The following KCNIP4 variants were observed in gnomAD, a reference collection of about 807,000 sequenced individuals.
KCNIP4 encodes the protein potassium voltage-gated channel interacting protein 4.
KCNIP4 carries 12 observed loss-of-function variants against 34.0 expected under a neutral mutation model. The observed-to-expected ratio is 0.35, with a 90% confidence interval of 0.23 to 0.57. KCNIP4 has a LOEUF of 0.57. KCNIP4 is among the 20% of genes least tolerant of loss of function. The pLI, the probability that KCNIP4 is intolerant of heterozygous loss-of-function variation, is 0.83. For synonymous variants in KCNIP4, 124 were observed against 102.2 expected, an observed-to-expected ratio of 1.21 and a Z score of -1.29; for missense variants, 238 against 311.7, an observed-to-expected ratio of 0.76 and a Z score of 1.78.
chr4:21,312,855 G>T (rs1056561228), intron 1 of KCNIP4, among the ~76,000 whole-genome samples: 2 of 152,136 alleles, frequency 1.3e-5, no homozygotes, highest in Admixed American at 1.3e-4. Context: ...TGGAGAATCC[G>T]TCTTTCAGCT....
chr4:21,473,816 C>T (rs578119994), intron 1 of KCNIP4, among the ~76,000 whole-genome samples: 9 of 151,574 alleles, frequency 5.9e-5, no homozygotes, highest in African/African-American at 1.9e-4. Flanking sequence ...TGGGTTCAAG[C>T]GATTCTCCTG....
chr4:21,714,779 C>T (rs1339632540), intron 1 of KCNIP4, among the ~76,000 whole-genome samples: 2 of 52,652 alleles, frequency 3.8e-5, no homozygotes, highest in African/African-American at 1.3e-4. Flanking sequence ...TTAGTAATTT[C>T]CCTTTGATTA....
intron 1 of KCNIP4, among the ~76,000 whole-genome samples, chr4:21,879,137 T>C (rs938136343): frequency 2.0e-5 from 3 of 152,022 alleles, no homozygotes; most frequent in Admixed American, 6.6e-5. Context: ...TATTGCAAAA[T>C]GAAAATATGA....
At chr4:21,898,892 G>T (rs1213445596) in intron 1 of KCNIP4, among the ~76,000 whole-genome samples, 1 of 152,140 alleles carries the variant, frequency 6.6e-6, no homozygotes. Context: ...TTCTGGACCT[G>T]CCCAGGGCCA....
At chr4:21,310,118 C>T (rs758852794) in intron 1 of KCNIP4, among the ~76,000 whole-genome samples, 4 of 152,064 alleles carry the variant, frequency 2.6e-5, no homozygotes, top group Admixed American at 6.6e-5. Flanking sequence ...CAACTTCCAC[C>T]GCCTCCCAGG....
chr4:20,906,169 G>A (rs1345017458), intron 1 of KCNIP4, among the ~76,000 whole-genome samples: 1 of 151,182 alleles, frequency 6.6e-6, no homozygotes, highest in African/African-American at 2.4e-5. Context: ...CCCAACAGGG[G>A]GATTTTAATA....
chr4:21,665,637 T>G (rs1180943288), intron 1 of KCNIP4, among the ~76,000 whole-genome samples: 1 of 152,074 alleles, frequency 6.6e-6, no homozygotes, highest in Non-Finnish European at 1.5e-5. Flanking sequence ...TGTACCTGAC[T>G]AGTAGGCACC....
At chr4:21,781,718 T>G (rs932491303) in intron 1 of KCNIP4, among the ~76,000 whole-genome samples, 3 of 152,180 alleles carry the variant, frequency 2.0e-5, no homozygotes, top group Non-Finnish European at 4.4e-5. Context: ...ATTTTTGTTT[T>G]GTATCTAAGC....
chr4:21,217,847 T>C (rs1170719505), intron 1 of KCNIP4, among the ~76,000 whole-genome samples: 1 of 152,110 alleles, frequency 6.6e-6, no homozygotes, highest in Non-Finnish European at 1.5e-5. Flanking sequence ...TAAAAATATG[T>C]GTGACTTAGT....
At chr4:21,562,155 C>G (rs1263687031) in intron 1 of KCNIP4, among the ~76,000 whole-genome samples, 2 of 151,804 alleles carry the variant, frequency 1.3e-5, no homozygotes, top group African/African-American at 4.8e-5. Context: ...AACTAGCTCA[C>G]TCACCATGAA....
intron 1 of KCNIP4, among the ~76,000 whole-genome samples, chr4:21,372,859 A>G (rs758767111): frequency 6.8e-6 from 1 of 146,166 alleles, no homozygotes; most frequent in Non-Finnish European, 1.5e-5. Context: ...GTGAGGAGTG[A>G]ATACAAGAGT....
chr4:21,461,551 C>G (rs1427709130), intron 1 of KCNIP4, among the ~76,000 whole-genome samples: 1 of 151,910 alleles, frequency 6.6e-6, no homozygotes, highest in Non-Finnish European at 1.5e-5. Flanking sequence ...ATTTGGGAAG[C>G]ACCTCCTCCA....
chr4:21,492,877 C>T (rs539361962), intron 1 of KCNIP4, among the ~76,000 whole-genome samples: 1 of 152,256 alleles, frequency 6.6e-6, no homozygotes, highest in East Asian at 1.9e-4. Context: ...CTGCAGTTTC[C>T]ATTCAGGCCT....
intron 1 of KCNIP4, among the ~76,000 whole-genome samples, chr4:21,107,484 T>C (rs1301680271): frequency 4.6e-5 from 7 of 151,216 alleles, no homozygotes; most frequent in Middle Eastern, 3.2e-3. Context: ...ATTTTGAGCC[T>C]ATGTGTGTCT....
chr4:20,733,451 TG>T (rs1236090500), intron 6 of KCNIP4, among the ~76,000 whole-genome samples: 2 of 152,218 alleles, frequency 1.3e-5, no homozygotes, highest in Admixed American at 1.3e-4. Flanking sequence ...GTTGCACATT[TG>T]TTTCACGTGA....
intron 1 of KCNIP4, among the ~76,000 whole-genome samples, chr4:21,058,090 G>A (rs998688098): frequency 6.6e-6 from 1 of 152,132 alleles, no homozygotes; most frequent in Non-Finnish European, 1.5e-5. Context: ...TCTTAGGGCA[G>A]AATTCAATGA....
At chr4:21,313,967 T>C (rs1332536060) in intron 1 of KCNIP4, among the ~76,000 whole-genome samples, 1 of 152,188 alleles carries the variant, frequency 6.6e-6, no homozygotes, top group Non-Finnish European at 1.5e-5. Context: ...GTTAGCAGAG[T>C]GCTCTATTCA....
At position 21,487,710 on chromosome 4, in the gene KCNIP4, G is replaced by T. The variant is rs4552441; in HGVS notation, c.61+460861C>A. Reference sequence around the variant, plus strand: ...TCCCAATTTATTTATTCCATAATTTGTTTCAATATAGACTTGGATTTTTAA... The same window carrying T: ...TCCCAATTTATTTATTCCATAATTTTTTTCAATATAGACTTGGATTTTTAA... On this transcript the variant is annotated intron_variant, in intron 1 of 8. Coordinates refer to ENST00000382152, the MANE Select transcript of KCNIP4 (RefSeq NM_025221.6). 1.1e-4 allele frequency among the ~76,000 whole-genome samples: 16 copies of T among 152,036 alleles called. No homozygotes were observed. The East Asian group carries it at 2.9e-3, about 28-fold the overall frequency.
At chr4:21,687,768 A>G (rs2109036489) in intron 1 of KCNIP4, among the ~76,000 whole-genome samples, 1 of 152,280 alleles carries the variant, frequency 6.6e-6, no homozygotes, top group Admixed American at 6.5e-5. Flanking sequence ...CAATGATAAT[A>G]TGAAAATATG....
Sources: gnomAD v4.1 joint callset for allele counts (sites outside exome capture counted in the v4.1 genomes callset) on GRCh38, gnomAD v4.1.1 for gene constraint, MANE v1.5 for transcripts, NCBI Gene and HGNC (gene_info 2026-07-23, HGNC 2026-07-21) for gene names.